SLC12A4: variants seen among roughly 807,000 people sequenced by gnomAD.
The protein encoded by SLC12A4 is solute carrier family 12 member 4.
SLC12A4 carries 84 observed loss-of-function variants against 119.2 expected under a neutral mutation model. The ratio of observed to expected loss-of-function variants is 0.70; its 90% CI spans 0.59 to 0.85. The LOEUF is 0.85. Ranked by LOEUF, SLC12A4 falls within the 40% of genes least tolerant of loss-of-function variation. The pLI is 0.00. For missense variants in SLC12A4, 1,298 were observed against 1,476.3 expected (o/e 0.88, Z 1.98); for synonymous variants, 599 against 604.6 (o/e 0.99, Z 0.14).
Position 67,951,454 on chromosome 16 carries a change from C to T in SLC12A4, c.1133-150G>A, listed in dbSNP as rs2058415228. On this transcript the variant is annotated intron_variant, in intron 8 of 23. Coordinates refer to ENST00000316341, the MANE Select transcript of SLC12A4 (RefSeq NM_005072.5). This position sits in a 1 kb window ranked among gnomAD's most constrained non-coding sequence, Gnocchi z 5.2. ...ACTGCAGCGTCAGCCACAGGGCTAC[C>T]CTGACCACAGAGAAGGAGCTGCCCA... 1 of 853,930 alleles carries T rather than the reference C, an allele frequency of 1.2e-6. No individual in the cohort carries two copies. Among genetic ancestry groups the T allele is most frequent in the Non-Finnish European group, 1.8e-6 (1 of 565,768 alleles). The allele number at this position is 853,930 out of a possible 1,614,324, so 52.9% of individuals were successfully genotyped here. A position where few individuals can be genotyped will look rare whatever the true frequency, so the allele number is the denominator to read the frequency against.
Position 67,951,217 on chromosome 16 carries a change from C to T in SLC12A4, c.1220G>A (p.Ser407Asn). 2 of 1,614,130 alleles carry T rather than the reference C, an allele frequency of 1.2e-6. No homozygotes were observed. Among genetic ancestry groups the T allele is most frequent in the Non-Finnish European group, 1.7e-6 (2 of 1,179,994 alleles). ...GTCAGCGACCACGTACAGAGGCAGG[C>T]TCTCCTTCAGGCTCGGGGCATCTGC... Reference protein sequence around the residue: ...PSADAPSLKESLPLYVVADIA... With the variant: ...PSADAPSLKENLPLYVVADIA... The change falls in exon 9 of 24, where the codon AGC (serine) becomes AAC (asparagine). Residue 407 changes from serine to asparagine, a missense_variant. Coordinates refer to ENST00000316341, the MANE Select transcript of SLC12A4 (RefSeq NM_005072.5). The surrounding 1 kb of genome is among the most constrained non-coding windows in gnomAD (Gnocchi z 5.2).
In SLC12A4 at chr16:67,945,964, T is replaced by A. The variant is rs764430797; in HGVS notation, c.2726A>T (p.Glu909Val). Residue 909 changes from glutamate to valine, a missense_variant, in exon 20 of 24, where the codon GAG becomes GTG. Coordinates refer to ENST00000316341, the MANE Select transcript of SLC12A4 (RefSeq NM_005072.5). ...CAGAGGGCTCACCATCTCCACCACC[T>A]CCACCTCGGCCTCAAGGCGCAGATG... is the stretch of plus-strand genomic sequence containing the variant. ...LYHLRLEAEV[E>V]VVEMHNSDIS... The A allele has an allele frequency of 6.2e-7, 1 of 1,613,592 alleles. No individual in the cohort carries two copies. The highest frequency in any genetic ancestry group is 8.5e-7 in the Non-Finnish European group (1 of 1,179,656).
intron 15 of SLC12A4, 45 bp from the exon 16 acceptor site, chr16:67,947,480 G>A (rs2058365022): frequency 1.3e-6 from 2 of 1,588,650 alleles, no homozygotes; most frequent in African/African-American, 1.3e-5. Flanking sequence ...GCCGCCCAGG[G>A]GGTTCTGTCT....
chr16:67,949,624 T>A lies in SLC12A4; in HGVS notation c.1748+176A>T. 1.8e-6 allele frequency: 1 copy of A among 560,690 alleles called. No homozygotes were observed. 34.7% of individuals were successfully genotyped at this position (560,690 alleles called of 1,614,324 possible). On this transcript the variant is annotated intron_variant, in intron 13 of 23. Transcript: ENST00000316341. This position sits in a 1 kb window ranked among gnomAD's most constrained non-coding sequence, Gnocchi z 4.6. ...TATTGGTCACCTTATAGCTTTGGCA[T>A]AGGTGCCAGGCTTGCTCCTAAATGC...
At position 67,947,105 on chromosome 16, in the gene SLC12A4, C is replaced by T; in HGVS notation, c.2073G>A (p.Arg691=). 1 of 1,583,904 alleles carries T rather than the reference C, an allele frequency of 6.3e-7. No individual in the cohort carries two copies. The highest frequency in any genetic ancestry group is 8.6e-7 in the Non-Finnish European group (1 of 1,168,348). The part of the protein sequence containing the change: ...EEGPPHTKNW[R]PQLLVLLKLD... ...GCTTCAGCAGCACCAGCAGCTGCGG[C>T]CTGCAGTGGCCGGGTGGGGGGAGCC... The change falls in exon 17 of 24, where the codon CGG becomes CGA. Residue 691 remains arginine (R), a splice_region_variant and synonymous_variant. Transcript: ENST00000316341.
rs779371688 is a variant in SLC12A4, at chr16:67,947,351, A to C, written c.2052T>G (p.Pro684=). 12 of 1,611,954 alleles carry C rather than the reference A, an allele frequency of 7.4e-6. No homozygotes were observed. In the Admixed American group the frequency reaches 1.8e-4, roughly 25 times the overall value. ...CTCACCGCCAGTTCTTGGTGTGAGGAGGCCCCTCCTCCAGCCGCAACAGCG... is the reference window on the plus strand; with the variant it reads ...CTCACCGCCAGTTCTTGGTGTGAGGCGGCCCCTCCTCCAGCCGCAACAGCG... ...RYALLRLEEG[P]PHTKNWRPQL... Residue 684 remains proline, a synonymous_variant, in exon 16 of 24, where the codon CCT becomes CCG. Transcript: ENST00000316341.
Position 67,943,991 on chromosome 16 carries a change from C to T in SLC12A4, c.*849G>A, listed in dbSNP as rs963542759. 26 of 1,548,132 alleles carry T rather than the reference C, an allele frequency of 1.7e-5. No homozygotes were observed. Among genetic ancestry groups the T allele is most frequent in the East Asian group, 2.4e-5 (1 of 40,878 alleles). ...TGTGGTTACTGAGCTCAGCCTTGGG[C>T]GTGGTGTGCGGGGGGAAGAGCACAT... is the stretch of plus-strand genomic sequence containing the variant. On this transcript the variant is annotated 3_prime_UTR_variant, in exon 24 of 24. Transcript: ENST00000316341. The surrounding 1 kb of genome is among the most constrained non-coding windows in gnomAD (Gnocchi z 4.6).
intron 2 of SLC12A4, 96 bp from the exon 3 acceptor site, chr16:67,961,802 G>A: frequency 2.0e-6 from 3 of 1,520,298 alleles, no homozygotes; most frequent in Non-Finnish European, 2.7e-6. Context: ...TCCAAGCCCT[G>A]AGACAGGCCT....
Position 67,944,506 on chromosome 16 carries a change from A to C in SLC12A4, c.*334T>G, listed in dbSNP as rs2058318526. On this transcript the variant is annotated 3_prime_UTR_variant, in exon 24 of 24. Transcript: ENST00000316341. The surrounding 1 kb of genome is among the most constrained non-coding windows in gnomAD (Gnocchi z 6.6). ...TCGTCTCTGATGGTGACATCCAAAC[A>C]ATAAATATGCAATAAATAGCGCTCC... The C allele has an allele frequency of 2.4e-6, 3 of 1,252,646 alleles. No individual in the cohort carries two copies. Among genetic ancestry groups the C allele is most frequent in the African/African-American group, 1.5e-5 (1 of 66,354 alleles). The allele number at this position is 1,252,646 out of a possible 1,614,324, so 77.6% of individuals were successfully genotyped here. A position where few individuals can be genotyped will look rare whatever the true frequency, so the allele number is the denominator to read the frequency against.
At position 67,944,206 on chromosome 16, in the gene SLC12A4, T is replaced by TG; in HGVS notation, c.*633dup. The TG allele has an allele frequency of 6.8e-7, 1 of 1,468,458 alleles. No individual in the cohort carries two copies. Among genetic ancestry groups the TG allele is most frequent in the African/African-American group, 1.4e-5 (1 of 71,234 alleles). 91.0% of individuals were successfully genotyped at this position (1,468,458 alleles called of 1,614,324 possible). A position where few individuals can be genotyped will look rare whatever the true frequency, so the allele number is the denominator to read the frequency against. On this transcript the variant is annotated 3_prime_UTR_variant, in exon 24 of 24. Coordinates refer to ENST00000316341, the MANE Select transcript of SLC12A4 (RefSeq NM_005072.5). This position sits in a 1 kb window ranked among gnomAD's most constrained non-coding sequence, Gnocchi z 6.6. ...CCAGTGGGAGGGACGGCCTGGCCAG[T>TG]GGGGGTTGTGGCCAGAGATTGCCGG...
At position 67,943,946 on chromosome 16, in the gene SLC12A4, A is replaced by ACCGAGGATGACGGG. The variant is rs1485419925; in HGVS notation, c.*880_*893dup. On this transcript the variant is annotated 3_prime_UTR_variant, in exon 24 of 24. Coordinates refer to ENST00000316341, the MANE Select transcript of SLC12A4 (RefSeq NM_005072.5). The surrounding 1 kb of genome is among the most constrained non-coding windows in gnomAD (Gnocchi z 4.6). ...TGCATCAGGGGCCTGGTGGGGGCTT[A>ACCGAGGATGACGGG]CCGAGGATGACGGGCCGTGTGTGGT... The ACCGAGGATGACGGG allele has an allele frequency of 6.5e-7, 1 of 1,545,202 alleles. No homozygotes were observed. Among genetic ancestry groups the ACCGAGGATGACGGG allele is most frequent in the East Asian group, 2.5e-5 (1 of 40,814 alleles).
Position 67,951,165 on chromosome 16 carries a change from G to C in SLC12A4, c.1272C>G (p.Val424=), listed in dbSNP as rs370616049. The C allele has an allele frequency of 1.9e-6, 3 of 1,613,888 alleles. No homozygotes were observed. The highest frequency in any genetic ancestry group is 2.2e-5 in the East Asian group (1 of 44,894). ...CTGTTACAGAAGGGAAGAAGATGCC[G>C]ACCAGCACGGTGAAGGATGTGGCGA... ...ADIATSFTVL[V]GIFFPSVTGI... The change falls in exon 9 of 24, where the codon GTC becomes GTG. Residue 424 remains valine, a synonymous_variant. Transcript: ENST00000316341. This position sits in a 1 kb window ranked among gnomAD's most constrained non-coding sequence, Gnocchi z 5.2.
chr16:67,949,621 G>T lies in SLC12A4; in HGVS notation c.1748+179C>A. 1.8e-6 allele frequency: 1 copy of T among 558,746 alleles called. No homozygotes were observed. Among genetic ancestry groups the T allele is most frequent in the Non-Finnish European group, 3.2e-6 (1 of 315,992 alleles). The allele number at this position is 558,746 out of a possible 1,614,324, so 34.6% of individuals were successfully genotyped here. A position where few individuals can be genotyped will look rare whatever the true frequency, so the allele number is the denominator to read the frequency against. ...ACATATTGGTCACCTTATAGCTTTG[G>T]CATAGGTGCCAGGCTTGCTCCTAAA... is the stretch of plus-strand genomic sequence containing the variant. On this transcript the variant is annotated intron_variant, in intron 13 of 23. Transcript: ENST00000316341. This position sits in a 1 kb window ranked among gnomAD's most constrained non-coding sequence, Gnocchi z 4.6.
In SLC12A4 at chr16:67,954,645, G is replaced by A. The variant is rs889149191; in HGVS notation, c.673C>T (p.Leu225=). Residue 225 remains leucine, a splice_region_variant and synonymous_variant, in exon 6 of 24, where the codon CTG becomes TTG. Transcript: ENST00000316341. ...MYILGAIEIL[L]TYIAPPAAIF... ...GGCCAGGGCTCAGCCTGACTCACCA[G>A]CAAGATCTCGATGGCCCCCAGGATG... 1 of 1,614,194 alleles carries A rather than the reference G, an allele frequency of 6.2e-7. No individual in the cohort carries two copies. Among genetic ancestry groups the A allele is most frequent in the Non-Finnish European group, 8.5e-7 (1 of 1,180,014 alleles).
rs2058405370 is a variant in SLC12A4, at chr16:67,950,764, A to G, written c.1397-53T>C. On this transcript the variant is annotated intron_variant, in intron 10 of 23. Transcript: ENST00000316341. This position sits in a 1 kb window ranked among gnomAD's most constrained non-coding sequence, Gnocchi z 4.3. ...CTCTGCCACCCCACTGTCCCTGAAT[A>G]GTACCACGTGCCCCCACCCCAGCCA... 3.2e-6 allele frequency: 5 copies of G among 1,570,320 alleles called. No individual in the cohort carries two copies. The highest frequency in any genetic ancestry group is 1.4e-5 in the African/African-American group (1 of 73,538).
intron 1 of SLC12A4, chr16:67,964,115 C>A: frequency 6.6e-7 from 1 of 1,512,958 alleles, no homozygotes; most frequent in Non-Finnish European, 8.9e-7. Flanking sequence ...GGAGGTGGGG[C>A]AAGCCCCAGG....
rs1277887771 is a variant in SLC12A4, at chr16:67,951,724, G to GC, written c.1132+98dup. 1.8e-5 allele frequency: 20 copies of GC among 1,128,128 alleles called. No individual in the cohort carries two copies. In the Admixed American group the frequency reaches 3.4e-4, roughly 19 times the overall value. The allele number at this position is 1,128,128 out of a possible 1,614,324, so 69.9% of individuals were successfully genotyped here. A position where few individuals can be genotyped will look rare whatever the true frequency, so the allele number is the denominator to read the frequency against. On this transcript the variant is annotated intron_variant, in intron 8 of 23. Coordinates refer to ENST00000316341, the MANE Select transcript of SLC12A4 (RefSeq NM_005072.5). This position sits in a 1 kb window ranked among gnomAD's most constrained non-coding sequence, Gnocchi z 5.2. ...GGGGGCTGGGAAGGCGGCCAGTCCT[G>GC]CCCCCGTTCCCAAGCTGGCCACACA...
Position 67,947,328 on chromosome 16 carries a change from C to T in SLC12A4, c.2072+3G>A, listed in dbSNP as rs2058362517. The T allele has an allele frequency of 6.8e-6, 11 of 1,610,640 alleles. No homozygotes were observed. The highest frequency in any genetic ancestry group is 9.3e-6 in the Non-Finnish European group (11 of 1,178,534). On this transcript the variant is annotated splice_donor_region_variant and intron_variant, in intron 16 of 23. Transcript: ENST00000316341. ...CCCTGGCCAGGGTCTGGCGGGAACT[C>T]ACCGCCAGTTCTTGGTGTGAGGAGG... is the stretch of plus-strand genomic sequence containing the variant.
At chr16:67,954,523 A>G (rs981493591) in intron 6 of SLC12A4, 120 bp downstream of exon 6, 14 of 1,246,016 alleles carry the variant, frequency 1.1e-5, no homozygotes, top group Non-Finnish European at 1.6e-5. Flanking sequence ...GAGGCTTCCT[A>G]CTTTATAATA....
Sources: allele counts gnomAD v4.1 joint callset, GRCh38; gene constraint gnomAD v4.1.1; non-coding constraint Gnocchi (gnomAD v3.1); transcripts MANE v1.5; gene names NCBI Gene and HGNC (gene_info 2026-07-23, HGNC 2026-07-21).